ZFP90: variants seen among roughly 807,000 people sequenced by gnomAD.
ZFP90 encodes ZFP90 zinc finger protein.
A neutral mutation model predicts 60.8 loss-of-function variants in ZFP90; 38 were observed. The observed-to-expected ratio is 0.62, with a 90% CI of 0.48 to 0.82. The LOEUF (loss-of-function observed/expected upper bound fraction) is 0.82, where lower values mean the gene tolerates loss of function less well. Ranked by LOEUF, ZFP90 falls within the 40% of genes least tolerant of loss-of-function variation. ZFP90 has a pLI of 0.00. For synonymous variants in ZFP90, 287 were observed against 264.8 expected (o/e 1.08, Z -0.82); for missense variants, 711 against 759.1 (o/e 0.94, Z 0.74).
Position 68,566,455 on chromosome 16 carries a change from C to T in ZFP90, c.*1757C>T, listed in dbSNP as rs1597756549. 7 of 984,924 alleles carry T rather than the reference C, an allele frequency of 7.1e-6. No individual in the cohort carries two copies. In the South Asian group the frequency reaches 1.4e-4, roughly 20 times the overall value. The allele number at this position is 984,924 out of a possible 1,614,324, so 61.0% of individuals were successfully genotyped here. ...ACATAGCAGGATTCATTGCCTTTCT[C>T]TCATCATGGATGGCATGCAGCAGCA... On this transcript the variant is annotated 3_prime_UTR_variant, in exon 5 of 5. Coordinates refer to ENST00000563169, the MANE Select transcript of ZFP90 (RefSeq NM_001305203.2).
downstream of ZFP90, among the ~76,000 whole-genome samples, chr16:68,571,149 C>T (rs962762759): frequency 4.6e-5 from 7 of 152,210 alleles, no homozygotes; most frequent in African/African-American, 9.6e-5. Context: ...GGGAATGCTC[C>T]GGGTATCACA....
intron 2 of ZFP90, chr16:68,574,141 G>C (rs1019816688): frequency 1.4e-5 from 2 of 139,562 alleles, no homozygotes; most frequent in African/African-American, 2.7e-5. Flanking sequence ...CCTATCATGT[G>C]ACCTACTGGA....
At chr16:68,567,811 C>A (rs2091546388), downstream of ZFP90, among the ~76,000 whole-genome samples, 1 of 152,122 alleles carries the variant, frequency 6.6e-6, no homozygotes, top group South Asian at 2.1e-4. Context: ...CTTTTACCTG[C>A]CAGAGCATCT....
At chr16:68,560,503 T>C (rs1275149182) in intron 4 of ZFP90, among the ~76,000 whole-genome samples, 1 of 151,986 alleles carries the variant, frequency 6.6e-6, no homozygotes, top group Non-Finnish European at 1.5e-5. Flanking sequence ...ATATATCACA[T>C]TTTGTTATTC....
chr16:68,567,825 G>A (rs996437258), downstream of ZFP90, among the ~76,000 whole-genome samples: 16 of 152,102 alleles, frequency 1.1e-4, no homozygotes, highest in Admixed American at 1.3e-4. Context: ...AGCATCTAGC[G>A]CACCTCCATG....
intron 2 of ZFP90, among the ~76,000 whole-genome samples, chr16:68,551,977 G>A (rs530791727): frequency 6.7e-6 from 1 of 149,772 alleles, no homozygotes; most frequent in African/African-American, 2.5e-5. Context: ...AGCCAGGATG[G>A]TCTCGATCTC....
Position 68,539,822 on chromosome 16 carries a change from C to G in ZFP90, c.30C>G (p.Pro10=). 1 of 1,606,402 alleles carries G rather than the reference C, an allele frequency of 6.2e-7. No homozygotes were observed. Among genetic ancestry groups the G allele is most frequent in the South Asian group, 1.1e-5 (1 of 89,946 alleles). Residue 10 remains proline (P), a synonymous_variant, in exon 2 of 5, where the codon CCC becomes CCG. Coordinates refer to ENST00000563169, the MANE Select transcript of ZFP90 (RefSeq NM_001305203.2). MAPRPPTAA[P]QESVTFKDVS... ...CCCCGAGGCCTCCGACCGCCGCGCCCCAGGTGAGCAACGCGTTCCTAACCT... is the reference window on the plus strand; with the variant it reads ...CCCCGAGGCCTCCGACCGCCGCGCCGCAGGTGAGCAACGCGTTCCTAACCT...
intron 2 of ZFP90, chr16:68,554,988 T>C (rs2091321047): frequency 6.6e-6 from 1 of 152,212 alleles, no homozygotes; most frequent in South Asian, 2.1e-4. Context: ...TTATCCTTGC[T>C]GGCCATGCCT....
In ZFP90 at chr16:68,565,611, T is replaced by G; in HGVS notation, c.*913T>G. ...AGTTTCACAGAACTATTAAGTCCCCTTATTGTACTTTTTATGGCATGCCCA... is the reference window on the plus strand; with the variant it reads ...AGTTTCACAGAACTATTAAGTCCCCGTATTGTACTTTTTATGGCATGCCCA... On this transcript the variant is annotated 3_prime_UTR_variant, in exon 5 of 5. Transcript: ENST00000563169. The G allele has an allele frequency of 1.0e-6, 1 of 985,584 alleles. No homozygotes were observed. Among genetic ancestry groups the G allele is most frequent in the Non-Finnish European group, 1.2e-6 (1 of 829,926 alleles). The allele number at this position is 985,584 out of a possible 1,614,324, so 61.1% of individuals were successfully genotyped here. A position where few individuals can be genotyped will look rare whatever the true frequency, so the allele number is the denominator to read the frequency against.
At chr16:68,570,109 C>T (rs2091560168), downstream of ZFP90, among the ~76,000 whole-genome samples, 1 of 151,984 alleles carries the variant, frequency 6.6e-6, no homozygotes, top group East Asian at 1.9e-4. Context: ...CCATTTCTTG[C>T]ATCACTCAAT....
rs776788842 is a variant in ZFP90, at chr16:68,564,651, TCAGCTCTTACTAAA to T, written c.1867_1880del (p.Ala623ProfsTer8). On this transcript the variant is annotated frameshift_variant, in exon 5 of 5. Coordinates refer to ENST00000563169, the MANE Select transcript of ZFP90 (RefSeq NM_001305203.2). LOFTEE classifies it high-confidence loss of function. ...ATGTGGGAAAAACTTCAGCCGAAGT[TCAGCTCTTACTAAA>T]CACCAGAGAATTCATACTCGAAATA... 3.7e-6 allele frequency: 6 copies of T among 1,613,784 alleles called. No homozygotes were observed.
chr16:68,543,387 C>T (rs1291879985), intron 2 of ZFP90, among the ~76,000 whole-genome samples: 2 of 152,030 alleles, frequency 1.3e-5, no homozygotes, highest in Non-Finnish European at 2.9e-5. Flanking sequence ...GGACCTTTCC[C>T]CTGAACATAG....
intron 2 of ZFP90, among the ~76,000 whole-genome samples, chr16:68,549,494 G>A (rs2091215624): frequency 6.6e-6 from 1 of 151,916 alleles, no homozygotes; most frequent in Admixed American, 6.6e-5. Flanking sequence ...TGGCTAACAT[G>A]GTGAAACCCC....
chr16:68,573,902 C>T (rs962287558), intron 2 of ZFP90: 6 of 152,414 alleles, frequency 3.9e-5, no homozygotes, highest in African/African-American at 9.6e-5. Context: ...CCCTCGCAGT[C>T]GCTTTTGGTC....
chr16:68,536,232 C>T (rs563129624), upstream of ZFP90, among the ~76,000 whole-genome samples: 1 of 152,328 alleles, frequency 6.6e-6, no homozygotes, highest in South Asian at 2.1e-4. Context: ...CTCTTTCTCA[C>T]ATTCATCTTG....
rs557130864 is a variant in ZFP90, at chr16:68,541,713, A to G, written c.33+1888A>G. Among the ~76,000 whole-genome samples, 55 of 152,282 alleles carry G rather than the reference A, an allele frequency of 3.6e-4. No homozygotes were observed. In the South Asian group the frequency reaches 0.011, roughly 31 times the overall value. On this transcript the variant is annotated intron_variant, in intron 2 of 4. Coordinates refer to ENST00000563169, the MANE Select transcript of ZFP90 (RefSeq NM_001305203.2). ...CAAGACAGTTACTTGGTTTGAGGAG[A>G]GCCAGAGCACATCATGATCGTTATC...
At position 68,563,954 on chromosome 16, in the gene ZFP90, T is replaced by C; in HGVS notation, c.1167T>C (p.Thr389=). 1 of 1,614,170 alleles carries C rather than the reference T, an allele frequency of 6.2e-7. No individual in the cohort carries two copies. The change falls in exon 5 of 5, where the codon ACT becomes ACC. Residue 389 remains threonine (T), a synonymous_variant. Coordinates refer to ENST00000563169, the MANE Select transcript of ZFP90 (RefSeq NM_001305203.2). ...SSLVQHERTH[T]GEKPFECSIC... ...TTGTCCAACATGAGAGGACTCATACTGGAGAGAAACCTTTTGAATGTAGCA... is the reference window on the plus strand; with the variant it reads ...TTGTCCAACATGAGAGGACTCATACCGGAGAGAAACCTTTTGAATGTAGCA...
intron 2 of ZFP90, among the ~76,000 whole-genome samples, chr16:68,540,995 G>GCC (rs2091038591): frequency 7.1e-6 from 1 of 140,324 alleles, no homozygotes; most frequent in African/African-American, 2.7e-5. Flanking sequence ...TGCAACCTCT[G>GCC]CCATGGTGCA....
chr16:68,565,923 A>T lies in ZFP90; in HGVS notation c.*1225A>T. ...ATAGACTGCTTGAACCCAGGAGTTC[A>T]AGACCAGCCTGGACAACATGGTGAA... On this transcript the variant is annotated 3_prime_UTR_variant, in exon 5 of 5. Coordinates refer to ENST00000563169, the MANE Select transcript of ZFP90 (RefSeq NM_001305203.2). The T allele has an allele frequency of 2.3e-6, 2 of 877,482 alleles. No homozygotes were observed. Among genetic ancestry groups the T allele is most frequent in the South Asian group, 5.2e-5 (1 of 19,244 alleles). 54.4% of individuals were successfully genotyped at this position (877,482 alleles called of 1,614,324 possible). A position where few individuals can be genotyped will look rare whatever the true frequency, so the allele number is the denominator to read the frequency against.
Sources: allele counts gnomAD v4.1 joint callset (sites outside exome capture counted in the v4.1 genomes callset), GRCh38; gene constraint gnomAD v4.1.1; transcripts MANE v1.5; gene names NCBI Gene and HGNC (gene_info 2026-07-23, HGNC 2026-07-21).